Variants in MYO10 observed in about 807,000 individuals in gnomAD.
MYO10 encodes myosin X.
MYO10 carries 133 observed loss-of-function variants against 257.3 expected under a neutral mutation model. That is an observed-to-expected ratio of 0.52 (90% CI 0.45 to 0.60). The LOEUF (loss-of-function observed/expected upper bound fraction) is 0.60, where lower values mean the gene tolerates loss of function less well. Among genes scored for constraint, MYO10 ranks in the 20% least tolerant of loss-of-function variants. MYO10 has a pLI of 0.00. For missense variants in MYO10, 2,399 were observed against 2,635.7 expected (o/e 0.91, Z 1.97); for synonymous variants, 1,104 against 1,028.6 (o/e 1.07, Z -1.40).
chr5:16,766,044 C>T (rs1391748828), intron 11 of MYO10, 36 bp downstream of exon 11: 1 of 1,478,364 alleles, frequency 6.8e-7, no homozygotes, highest in South Asian at 1.1e-5. Flanking sequence ...CCAGGAGTGT[C>T]TAGTAACGCA....
In MYO10 at chr5:16,856,521, G is replaced by T. The variant is rs551213843; in HGVS notation, c.120+21088C>A. 1.7e-3 allele frequency among the ~76,000 whole-genome samples: 256 copies of T among 152,010 alleles called. 1 individual carries two copies. Among genetic ancestry groups the T allele is most frequent in the African/African-American group, 5.8e-3 (242 of 41,458 alleles). ...GCCGAGATCGCACCACTGCACTCCAGCCTGGGTGACAGAGTGAGACTGTGT... is the reference window on the plus strand; with the variant it reads ...GCCGAGATCGCACCACTGCACTCCATCCTGGGTGACAGAGTGAGACTGTGT... On this transcript the variant is annotated intron_variant, in intron 2 of 40. Transcript: ENST00000513610.
At chr5:16,822,265 G>GA (rs11385859) in intron 2 of MYO10, among the ~76,000 whole-genome samples, 35,006 of 147,468 alleles carry the variant, frequency 0.24, 5,281 homozygotes, top group African/African-American at 0.44. Flanking sequence ...ATAAAAGTTG[G>GA]AAAAAAAAAA....
chr5:16,755,286 C>A (rs1326313171), intron 18 of MYO10, among the ~76,000 whole-genome samples: 1 of 152,226 alleles, frequency 6.6e-6, no homozygotes, highest in African/African-American at 2.4e-5. Flanking sequence ...CTGCCTCAGC[C>A]TCCAGAGTAG....
intron 26 of MYO10, among the ~76,000 whole-genome samples, chr5:16,697,570 T>C (rs553554237): frequency 1.3e-5 from 2 of 152,050 alleles, no homozygotes; most frequent in South Asian, 2.1e-4. Flanking sequence ...CATTGGCGTG[T>C]GCCTGTAATC....
intron 18 of MYO10, among the ~76,000 whole-genome samples, chr5:16,757,797 T>C (rs999837108): frequency 1.3e-5 from 2 of 152,162 alleles, no homozygotes; most frequent in Non-Finnish European, 2.9e-5. Flanking sequence ...CCTGAGTAGC[T>C]GGGACTACAG....
chr5:16,738,528 G>T (rs147276228), intron 19 of MYO10: 2 of 346,548 alleles, frequency 5.8e-6, no homozygotes, highest in African/African-American at 2.2e-5. Flanking sequence ...CTCAGCAGGT[G>T]TATGTGTATG....
intron 1 of MYO10, among the ~76,000 whole-genome samples, chr5:16,884,468 T>A (rs371656953): frequency 3.2e-4 from 49 of 152,322 alleles, no homozygotes; most frequent in African/African-American, 9.1e-4. Flanking sequence ...GCTATTTAAA[T>A]CTGCAGTAAA....
At chr5:16,914,548 T>G (rs1256524450) in intron 1 of MYO10, among the ~76,000 whole-genome samples, 1 of 152,254 alleles carries the variant, frequency 6.6e-6, no homozygotes, top group Non-Finnish European at 1.5e-5. Context: ...CTGAGTCTAC[T>G]ACTTTTGTTT....
intron 19 of MYO10, among the ~76,000 whole-genome samples, chr5:16,725,874 A>G (rs931562135): frequency 3.4e-5 from 5 of 148,072 alleles, no homozygotes; most frequent in African/African-American, 1.3e-4. Flanking sequence ...TGCAGCCTCC[A>G]CTTCCTGGGT....
intron 1 of MYO10, among the ~76,000 whole-genome samples, chr5:16,900,781 C>A (rs1745356910): frequency 1.4e-5 from 2 of 145,198 alleles, no homozygotes; most frequent in Non-Finnish European, 3.0e-5. Flanking sequence ...GCTCTGTCGC[C>A]CAGGCTGGAG....
chr5:16,885,062 C>T (rs1026767349), intron 1 of MYO10, among the ~76,000 whole-genome samples: 1 of 152,118 alleles, frequency 6.6e-6, no homozygotes, highest in Non-Finnish European at 1.5e-5. Context: ...ACCGGGTACA[C>T]AGAGAATAGA....
intron 19 of MYO10, among the ~76,000 whole-genome samples, chr5:16,725,011 C>G (rs1739299320): frequency 6.7e-6 from 1 of 149,898 alleles, no homozygotes; most frequent in African/African-American, 2.4e-5. Flanking sequence ...CATTTTGCTT[C>G]TCTTACCTAA....
chr5:16,751,969 T>G (rs10223242), intron 19 of MYO10, among the ~76,000 whole-genome samples: 16,143 of 152,200 alleles, frequency 0.11, 906 homozygotes, highest in South Asian at 0.17. Flanking sequence ...CTATCAAATC[T>G]CAGCATGGAA....
chr5:16,763,747 G>C lies in MYO10; in HGVS notation c.1335C>G (p.His445Gln). The C allele has an allele frequency of 6.3e-7, 1 of 1,580,266 alleles. No individual in the cohort carries two copies. The highest frequency in any genetic ancestry group is 8.7e-7 in the Non-Finnish European group (1 of 1,151,860). Residue 445 changes from histidine to glutamine, a missense_variant, in exon 13 of 41, where the codon CAC becomes CAG. Around this residue, in one of 3 missense-constraint regions of MYO10, gnomAD observed 337 missense variants for 446.8 expected, o/e 0.75. Coordinates refer to ENST00000513610, the MANE Select transcript of MYO10 (RefSeq NM_012334.3). ...CATAGTTTATATTGAACTGTTCAAAGTGATTAACCTAAGGGGGGAAAGCAT... is the reference window on the plus strand; with the variant it reads ...CATAGTTTATATTGAACTGTTCAAACTGATTAACCTAAGGGGGGAAAGCAT... Reference protein sequence around the residue: ...IFGFENFEVNHFEQFNINYAN... With the variant: ...IFGFENFEVNQFEQFNINYAN...
chr5:16,754,768 C>T, intron 19 of MYO10, 60 bp downstream of exon 19: 1 of 1,261,712 alleles, frequency 7.9e-7, no homozygotes. Context: ...TGTGAGTAAC[C>T]ACCCCAGGAG....
chr5:16,778,474 G>A (rs1741289854), intron 9 of MYO10, among the ~76,000 whole-genome samples: 2 of 152,116 alleles, frequency 1.3e-5, no homozygotes, highest in South Asian at 4.1e-4. Flanking sequence ...GTTTACATTA[G>A]ATGCTTTTGG....
chr5:16,794,234 C>T (rs1741859170), intron 4 of MYO10, among the ~76,000 whole-genome samples: 1 of 151,996 alleles, frequency 6.6e-6, no homozygotes, highest in Non-Finnish European at 1.5e-5. Context: ...AAACCTTGTT[C>T]ACATACATAA....
intron 2 of MYO10, among the ~76,000 whole-genome samples, chr5:16,849,993 G>T (rs1419519851): frequency 6.6e-6 from 1 of 152,174 alleles, no homozygotes; most frequent in Non-Finnish European, 1.5e-5. Flanking sequence ...CAAAGTAACT[G>T]AGAGGACTGA....
chr5:16,844,911 T>C (rs771918174), intron 2 of MYO10, among the ~76,000 whole-genome samples: 1 of 151,574 alleles, frequency 6.6e-6, no homozygotes, highest in Non-Finnish European at 1.5e-5. Flanking sequence ...TCCAACAAGA[T>C]TTTATTCCAA....
Sources: allele counts gnomAD v4.1 joint callset (sites outside exome capture counted in the v4.1 genomes callset), GRCh38; gene constraint gnomAD v4.1.1; regional missense constraint gnomAD v4.1.1; transcripts MANE v1.5; gene names NCBI Gene and HGNC (gene_info 2026-07-23, HGNC 2026-07-21).